INPP5A: variants seen among roughly 807,000 people sequenced by gnomAD.
INPP5A encodes the protein inositol polyphosphate-5-phosphatase A.
In INPP5A, 14 loss-of-function variants were observed where a neutral mutation model predicts 65.2. The ratio of observed to expected loss-of-function variants is 0.21; its 90% CI spans 0.14 to 0.34. INPP5A has a LOEUF of 0.34. Ranked by LOEUF, INPP5A falls within the 10% of genes least tolerant of loss-of-function variation. The pLI is 1.00. For synonymous variants in INPP5A, 207 were observed against 208.3 expected (o/e 0.99, Z 0.05); for missense variants, 431 against 545.6 (o/e 0.79, Z 2.09).
chr10:132,764,901 ACGGT>A lies in INPP5A; in HGVS notation c.904-868_904-865del, dbSNP rs368877205. Reference sequence around the variant, plus strand: ...GGTGTGCGTGGTGACACTCAGGAACACGGTCGGGCCAGTCCTGCAGGGGTGGGAG... The same window carrying A: ...GGTGTGCGTGGTGACACTCAGGAACACGGGCCAGTCCTGCAGGGGTGGGAG... On this transcript the variant is annotated intron_variant, in intron 11 of 15. Transcript: ENST00000368594. 6.7e-5 allele frequency among the ~76,000 whole-genome samples: 9 copies of A among 134,084 alleles called. 1 individual carries two copies. Among genetic ancestry groups the A allele is most frequent in the Non-Finnish European group, 9.5e-5 (6 of 63,378 alleles). 88.0% of individuals were successfully genotyped at this position (134,084 alleles called of 152,430 possible).
In INPP5A at chr10:132,762,083, G is replaced by C. The variant is rs551865637; in HGVS notation, c.904-3690G>C. On this transcript the variant is annotated intron_variant, in intron 11 of 15. Coordinates refer to ENST00000368594, the MANE Select transcript of INPP5A (RefSeq NM_005539.5). The surrounding 1 kb of genome is among the most constrained non-coding windows in gnomAD (Gnocchi z 4.6). ...TTGAGGAATGGGATGGCAGGCCTGG[G>C]GAATGGCCCAGAATGCAGCACAGAA... is the stretch of plus-strand genomic sequence containing the variant. 6.6e-6 allele frequency among the ~76,000 whole-genome samples: 1 copy of C among 152,286 alleles called. No homozygotes were observed. Among genetic ancestry groups the C allele is most frequent in the African/African-American group, 2.4e-5 (1 of 41,568 alleles).
chr10:132,713,739 C>T (rs1259499026), intron 8 of INPP5A, among the ~76,000 whole-genome samples: 3 of 152,316 alleles, frequency 2.0e-5, no homozygotes, highest in South Asian at 4.1e-4. Context: ...CGGCCACACC[C>T]TCTGCAGGGG....
At chr10:132,744,582 G>A (rs902461250) in intron 9 of INPP5A, among the ~76,000 whole-genome samples, 8 of 152,208 alleles carry the variant, frequency 5.3e-5, no homozygotes, top group Non-Finnish European at 8.8e-5. Context: ...TTTCCTTGAT[G>A]ATGGTTTCAT....
At chr10:132,577,865 T>A (rs2071429039) in intron 1 of INPP5A, among the ~76,000 whole-genome samples, 1 of 152,180 alleles carries the variant, frequency 6.6e-6, no homozygotes, top group South Asian at 2.1e-4. Context: ...TCGGCAGCCG[T>A]CAGACTCCTG....
At chr10:132,771,556 C>G (rs1846947927) in intron 12 of INPP5A, among the ~76,000 whole-genome samples, 1 of 152,270 alleles carries the variant, frequency 6.6e-6, no homozygotes, top group Non-Finnish European at 1.5e-5. Flanking sequence ...CAGGGGGCCA[C>G]ACGCCAACTC....
At chr10:132,724,933 C>G (rs1845959439) in intron 8 of INPP5A, among the ~76,000 whole-genome samples, 1 of 151,298 alleles carries the variant, frequency 6.6e-6, no homozygotes, top group South Asian at 2.1e-4. Flanking sequence ...GGGGATCACT[C>G]TCCAGAACTC....
chr10:132,667,102 A>T (rs1017888012), intron 4 of INPP5A, among the ~76,000 whole-genome samples: 32 of 152,162 alleles, frequency 2.1e-4, no homozygotes, highest in Admixed American at 1.9e-3. Flanking sequence ...AGGCTGGCTG[A>T]GTTTTATATA....
intron 2 of INPP5A, among the ~76,000 whole-genome samples, chr10:132,612,655 A>AG (rs918553653): frequency 3.3e-5 from 5 of 151,982 alleles, no homozygotes; most frequent in African/African-American, 1.2e-4. Context: ...CGCTGGCTGG[A>AG]GGGGCCCTTG....
chr10:132,634,724 G>C (rs1348888076), intron 2 of INPP5A, among the ~76,000 whole-genome samples: 3 of 152,178 alleles, frequency 2.0e-5, no homozygotes, highest in Non-Finnish European at 4.4e-5. Context: ...GAGTTGTCTC[G>C]GTCATCACGA....
At chr10:132,610,795 T>C (rs1564933638) in intron 2 of INPP5A, among the ~76,000 whole-genome samples, 2 of 152,274 alleles carry the variant, frequency 1.3e-5, no homozygotes, top group Admixed American at 1.3e-4. Context: ...CTGGTGTCTT[T>C]GCTCACTAAC....
At chr10:132,684,685 G>A (rs184035002) in intron 4 of INPP5A, among the ~76,000 whole-genome samples, 8 of 152,340 alleles carry the variant, frequency 5.3e-5, no homozygotes, top group African/African-American at 7.2e-5. Context: ...CCACATGCCT[G>A]CCTCAGCTCG....
At chr10:132,703,391 C>T (rs111979207) in intron 6 of INPP5A, among the ~76,000 whole-genome samples, 22 of 152,126 alleles carry the variant, frequency 1.4e-4, no homozygotes, top group African/African-American at 3.1e-4. Flanking sequence ...AACTGGCCCT[C>T]GGCCATCTTC....
rs1188211946 is a variant in INPP5A, at chr10:132,674,615, T to A, written c.307-15777T>A. On this transcript the variant is annotated intron_variant, in intron 4 of 15. Transcript: ENST00000368594. This position sits in a 1 kb window ranked among gnomAD's most constrained non-coding sequence, Gnocchi z 4.4. Reference sequence around the variant, plus strand: ...CATTTGAGCCACGTCGTCATGTAACTTACTTGTGCCTTCAGGACTTAATCA... The same window carrying A: ...CATTTGAGCCACGTCGTCATGTAACATACTTGTGCCTTCAGGACTTAATCA... Among the ~76,000 whole-genome samples the A allele has an allele frequency of 1.3e-5, 2 of 152,182 alleles. No homozygotes were observed. Among genetic ancestry groups the A allele is most frequent in the Non-Finnish European group, 2.9e-5 (2 of 68,034 alleles).
In INPP5A at chr10:132,546,680, A is replaced by G. The variant is rs1253225343; in HGVS notation, c.75+8509A>G. Among the ~76,000 whole-genome samples, 1 of 152,044 alleles carries G rather than the reference A, an allele frequency of 6.6e-6. No individual in the cohort carries two copies. Among genetic ancestry groups the G allele is most frequent in the Non-Finnish European group, 1.5e-5 (1 of 67,992 alleles). On this transcript the variant is annotated intron_variant, in intron 1 of 15. Coordinates refer to ENST00000368594, the MANE Select transcript of INPP5A (RefSeq NM_005539.5). The surrounding 1 kb of genome is among the most constrained non-coding windows in gnomAD (Gnocchi z 5.7). ...CTGTGTGGGGTCTCCTGGCTCCTGC[A>G]GATCTGTGTAGCCTGCACTGAACTG... is the stretch of plus-strand genomic sequence containing the variant.
At position 132,663,194 on chromosome 10, in the gene INPP5A, T is replaced by C. The variant is rs1411491131; in HGVS notation, c.306+12689T>C. Among the ~76,000 whole-genome samples the C allele has an allele frequency of 6.6e-6, 1 of 152,264 alleles. No individual in the cohort carries two copies. Among genetic ancestry groups the C allele is most frequent in the Non-Finnish European group, 1.5e-5 (1 of 68,048 alleles). ...TTTATATACACATATGCGTATGTTA[T>C]ATAAAATTGAAAAGACTTTCTTCTC... is the stretch of plus-strand genomic sequence containing the variant. On this transcript the variant is annotated intron_variant, in intron 4 of 15. Transcript: ENST00000368594. This position sits in a 1 kb window ranked among gnomAD's most constrained non-coding sequence, Gnocchi z 4.5.
intron 2 of INPP5A, among the ~76,000 whole-genome samples, chr10:132,609,157 C>G (rs549625824): frequency 6.6e-6 from 1 of 152,344 alleles, no homozygotes; most frequent in South Asian, 2.1e-4. Context: ...AATCTCTCTC[C>G]GTAGAGTCTT....
At chr10:132,681,359 G>T (rs2073041991) in intron 4 of INPP5A, among the ~76,000 whole-genome samples, 1 of 151,650 alleles carries the variant, frequency 6.6e-6, no homozygotes, top group Non-Finnish European at 1.5e-5. Context: ...CTCACTCTCT[G>T]GATCCACACT....
chr10:132,775,188 G>GATGGGCAGGGAGGAGGGGCAGGGA (rs1847040258), intron 12 of INPP5A, among the ~76,000 whole-genome samples: 5 of 1,750 alleles, frequency 2.9e-3, no homozygotes, highest in Non-Finnish European at 4.2e-3. Context: ...CAGGGAGAGA[G>GATGGGCAGGGAGGAGGGGCAGGGA]GGAGGGGCAG....
chr10:132,755,166 C>T lies in INPP5A; in HGVS notation c.903+5321C>T, dbSNP rs1277040582. On this transcript the variant is annotated intron_variant, in intron 11 of 15. Transcript: ENST00000368594. Reference sequence around the variant, plus strand: ...GTGTGAGCAAGCATATGCATATGAGCGTGTGTGAGCATGTGTGAGAGCAGG... The same window carrying T: ...GTGTGAGCAAGCATATGCATATGAGTGTGTGTGAGCATGTGTGAGAGCAGG... 4.0e-5 allele frequency among the ~76,000 whole-genome samples: 6 copies of T among 150,544 alleles called. No individual in the cohort carries two copies. The East Asian group carries it at 5.9e-4, about 15-fold the overall frequency.
Sources: allele counts gnomAD v4.1 joint callset (sites outside exome capture counted in the v4.1 genomes callset), GRCh38; gene constraint gnomAD v4.1.1; non-coding constraint Gnocchi (gnomAD v3.1); transcripts MANE v1.5; gene names NCBI Gene and HGNC (gene_info 2026-07-23, HGNC 2026-07-21).